PTPRG: variants seen among roughly 807,000 people sequenced by gnomAD.
PTPRG encodes the protein protein tyrosine phosphatase receptor type G, also known as receptor-type tyrosine-protein phosphatase gamma.
In PTPRG, 102 loss-of-function variants were observed where a neutral mutation model predicts 165.3. The observed-to-expected ratio is 0.62, with a 90% confidence interval of 0.53 to 0.73. PTPRG has a LOEUF of 0.73. Ranked by LOEUF, PTPRG falls within the 30% of genes least tolerant of loss-of-function variation. The pLI is 0.00. For synonymous variants in PTPRG, 675 were observed against 669.5 expected (o/e 1.01, Z -0.13); for missense variants, 1,866 against 1,861.4 (o/e 1.00, Z -0.05).
At chr3:62,227,086 A>G (rs1700780101) in intron 13 of PTPRG, among the ~76,000 whole-genome samples, 1 of 152,178 alleles carries the variant, frequency 6.6e-6, no homozygotes, top group African/African-American at 2.4e-5. Context: ...AAACAGATGC[A>G]TGCGAGAGTC....
intron 2 of PTPRG, among the ~76,000 whole-genome samples, chr3:61,910,334 G>C (rs1002551054): frequency 6.6e-6 from 1 of 152,178 alleles, no homozygotes; most frequent in Admixed American, 6.5e-5. Flanking sequence ...TGACTCTACT[G>C]TTGCTCTGCA....
At chr3:61,977,113 G>T (rs1226031578) in intron 2 of PTPRG, among the ~76,000 whole-genome samples, 1 of 152,050 alleles carries the variant, frequency 6.6e-6, no homozygotes, top group African/African-American at 2.4e-5. Flanking sequence ...TAATACCACA[G>T]ATAGATTGTA....
At chr3:61,704,197 A>C (rs2031128767) in intron 1 of PTPRG, among the ~76,000 whole-genome samples, 1 of 152,186 alleles carries the variant, frequency 6.6e-6, no homozygotes, top group South Asian at 2.1e-4. Context: ...GTAGACGGCC[A>C]GGTTTTTGTG....
chr3:62,012,847 C>CAG (rs910108787), intron 4 of PTPRG, among the ~76,000 whole-genome samples: 5 of 152,104 alleles, frequency 3.3e-5, no homozygotes, highest in African/African-American at 1.2e-4. Flanking sequence ...GTAAAATATA[C>CAG]AGAGAGATAC....
intron 2 of PTPRG, among the ~76,000 whole-genome samples, chr3:61,809,555 T>A (rs2035512887): frequency 6.6e-6 from 1 of 152,146 alleles, no homozygotes; most frequent in Non-Finnish European, 1.5e-5. Flanking sequence ...ACATTTGAGT[T>A]CTGATCCTGT....
intron 1 of PTPRG, among the ~76,000 whole-genome samples, chr3:61,746,050 CTTTTTT>C (rs10618160): frequency 1.5e-5 from 2 of 130,828 alleles, no homozygotes; most frequent in Admixed American, 7.7e-5. Flanking sequence ...TTTTTCTTTT[CTTTTTT>C]TTTTTTTTTT....
intron 5 of PTPRG, among the ~76,000 whole-genome samples, chr3:62,114,097 G>C (rs888354736): frequency 2.6e-5 from 4 of 152,126 alleles, no homozygotes; most frequent in African/African-American, 7.2e-5. Flanking sequence ...TCAGGAGTTC[G>C]AGACCAGCCT....
At chr3:62,131,006 C>T (rs1576040904) in intron 5 of PTPRG, among the ~76,000 whole-genome samples, 1 of 151,956 alleles carries the variant, frequency 6.6e-6, no homozygotes, top group East Asian at 1.9e-4. Context: ...AGTCTATAAA[C>T]ATAATCCTGT....
intron 17 of PTPRG, 147 bp downstream of exon 17, chr3:62,263,041 T>C: frequency 1.7e-6 from 1 of 602,086 alleles, no homozygotes. Context: ...TCTTCAACAG[T>C]GTAGAAGTTG....
rs1700540301 is a variant in PTPRG at position 62,217,459 on chromosome 3, C to T, written c.2156-1392C>T. 2 of 152,378 alleles carry T rather than the reference C, an allele frequency of 1.3e-5. No homozygotes were observed. The highest frequency in any genetic ancestry group is 2.4e-5 in the African/African-American group (1 of 41,562). 9.4% of individuals were successfully genotyped at this position (152,378 alleles called of 1,614,324 possible). On this transcript the variant is annotated intron_variant, in intron 12 of 29. Transcript: ENST00000474889. This position sits in a 1 kb window ranked among gnomAD's most constrained non-coding sequence, Gnocchi z 4.3. ...CCTCTTTAAAAATCTGCTCCCATAG[C>T]CAATTCTTTCTTCCCTACTCAGCCT...
intron 1 of PTPRG, among the ~76,000 whole-genome samples, chr3:61,650,677 T>A (rs1702325115): frequency 6.6e-6 from 1 of 152,240 alleles, no homozygotes; most frequent in Admixed American, 6.5e-5. Context: ...TTTAATCAAA[T>A]ACACACTTCC....
At chr3:61,646,318 C>T (rs1702200202) in intron 1 of PTPRG, among the ~76,000 whole-genome samples, 1 of 152,138 alleles carries the variant, frequency 6.6e-6, no homozygotes, top group Admixed American at 6.6e-5. Flanking sequence ...GCCATGTTGT[C>T]CAGGCTGGTC....
intron 2 of PTPRG, among the ~76,000 whole-genome samples, chr3:61,920,038 C>T (rs1575785158): frequency 6.6e-6 from 1 of 152,192 alleles, no homozygotes; most frequent in Non-Finnish European, 1.5e-5. Context: ...TAACCAGCTA[C>T]AGAAGTGCTT....
chr3:62,191,247 G>A (rs1035380367), intron 8 of PTPRG, among the ~76,000 whole-genome samples: 3 of 151,974 alleles, frequency 2.0e-5, no homozygotes, highest in South Asian at 2.1e-4. Flanking sequence ...CCTTGCACAC[G>A]TGTGTGTGCA....
intron 1 of PTPRG, among the ~76,000 whole-genome samples, chr3:61,746,045 CTTTTCT>C (rs2033185563): frequency 4.0e-5 from 4 of 100,276 alleles, no homozygotes; most frequent in African/African-American, 3.7e-5. Context: ...CTTTCTTTTT[CTTTTCT>C]TTTTTTTTTT....
intron 4 of PTPRG, among the ~76,000 whole-genome samples, chr3:62,068,488 T>C (rs1394215946): frequency 1.3e-5 from 2 of 152,128 alleles, no homozygotes; most frequent in African/African-American, 4.8e-5. Context: ...TTGTTTGTTT[T>C]TAATTGAAGC....
rs1700587910 is a variant in PTPRG, at chr3:62,219,111, C to T, written c.2288+128C>T. The stretch of plus-strand genomic sequence containing the variant: ...GTAGCTTAAGTGTTTCTGGTCTTGC[C>T]ACCCGGAAGGCCATCTTGTCTCTGT... On this transcript the variant is annotated intron_variant, in intron 13 of 29. Transcript: ENST00000474889. This position sits in a 1 kb window ranked among gnomAD's most constrained non-coding sequence, Gnocchi z 4.5. 10 of 1,283,038 alleles carry T rather than the reference C, an allele frequency of 7.8e-6. No homozygotes were observed. Among genetic ancestry groups the T allele is most frequent in the Non-Finnish European group, 1.1e-5 (10 of 933,882 alleles). 79.5% of individuals were successfully genotyped at this position (1,283,038 alleles called of 1,614,324 possible).
chr3:62,074,660 C>T (rs1265497929), intron 4 of PTPRG, among the ~76,000 whole-genome samples: 1 of 152,116 alleles, frequency 6.6e-6, no homozygotes, highest in Non-Finnish European at 1.5e-5. Flanking sequence ...TTTTCTTCAG[C>T]TTACGTACAC....
chr3:62,024,894 G>A (rs1455914982), intron 4 of PTPRG, among the ~76,000 whole-genome samples: 1 of 152,194 alleles, frequency 6.6e-6, no homozygotes, highest in Non-Finnish European at 1.5e-5. Flanking sequence ...ATCAGTATCA[G>A]ATAATGGGAA....
Sources: allele counts gnomAD v4.1 joint callset (sites outside exome capture counted in the v4.1 genomes callset), GRCh38; gene constraint gnomAD v4.1.1; non-coding constraint Gnocchi (gnomAD v3.1); transcripts MANE v1.5; gene names NCBI Gene and HGNC (gene_info 2026-07-23, HGNC 2026-07-21).